Variants in ASB4 observed in about 807,000 individuals in gnomAD.
ASB4 encodes the protein ankyrin repeat and SOCS box protein 4.
A neutral mutation model predicts 38.6 loss-of-function variants in ASB4; 35 were observed. The observed-to-expected ratio is 0.91, with a 90% CI of 0.69 to 1.20. The LOEUF (loss-of-function observed/expected upper bound fraction) is 1.20, where lower values mean the gene tolerates loss of function less well. Ranked by LOEUF, ASB4 falls within the 50% of genes most tolerant of loss-of-function variation. The pLI is 0.00. For synonymous variants in ASB4, 195 were observed against 201.3 expected (o/e 0.97, Z 0.26); for missense variants, 557 against 527.2 (o/e 1.06, Z -0.55).
chr7:95,490,798 T>C (rs1438622016), intron 1 of ASB4, among the ~76,000 whole-genome samples: 2 of 152,264 alleles, frequency 1.3e-5, no homozygotes, highest in African/African-American at 4.8e-5. Context: ...GTTTCAGATT[T>C]AAATTAAACA....
intron 2 of ASB4, among the ~76,000 whole-genome samples, chr7:95,515,172 TCTTTC>T (rs1442069815): frequency 3.7e-4 from 17 of 46,164 alleles, no homozygotes; most frequent in African/African-American, 1.5e-3. Flanking sequence ...TCTTTCTCTT[TCTTTC>T]TTTCTTTCTT....
At chr7:95,483,568 A>T (rs1790041623), upstream of ASB4, among the ~76,000 whole-genome samples, 1 of 152,248 alleles carries the variant, frequency 6.6e-6, no homozygotes, top group Non-Finnish European at 1.5e-5. Context: ...GGGGGATCAG[A>T]TCAAATGATT....
At chr7:95,478,976 A>G (rs1443841845) in intron 1 of ASB4, among the ~76,000 whole-genome samples, 1 of 152,198 alleles carries the variant, frequency 6.6e-6, no homozygotes, top group Non-Finnish European at 1.5e-5. Context: ...GGACAAGGGC[A>G]GCCCATAACA....
chr7:95,523,325 A>G (rs1223407369), intron 2 of ASB4, among the ~76,000 whole-genome samples: 1 of 152,230 alleles, frequency 6.6e-6, no homozygotes, highest in Non-Finnish European at 1.5e-5. Context: ...TATAGCAATT[A>G]TGATAGCATA....
chr7:95,518,681 A>G (rs955444246), intron 2 of ASB4, among the ~76,000 whole-genome samples: 2 of 152,232 alleles, frequency 1.3e-5, no homozygotes, highest in African/African-American at 4.8e-5. Context: ...CACTAACTCA[A>G]ACTGAGTCCA....
intron 2 of ASB4, among the ~76,000 whole-genome samples, chr7:95,505,911 A>G (rs1790401741): frequency 1.3e-5 from 2 of 152,036 alleles, no homozygotes; most frequent in South Asian, 2.1e-4. Flanking sequence ...ATTCATTTTT[A>G]GAGACAGGGT....
At chr7:95,492,941 T>A (rs949525026) in intron 1 of ASB4, among the ~76,000 whole-genome samples, 1 of 152,206 alleles carries the variant, frequency 6.6e-6, no homozygotes, top group Non-Finnish European at 1.5e-5. Context: ...GAACAGAGAT[T>A]CAATGTACAT....
chr7:95,472,811 T>C, the ASB4 span, among the ~76,000 whole-genome samples: 2 of 152,172 alleles, frequency 1.3e-5, no homozygotes, highest in Non-Finnish European at 2.9e-5. Flanking sequence ...GGTCTATGTA[T>C]AACATTTCAG....
At chr7:95,486,848 C>T (rs1468580628) in intron 1 of ASB4, among the ~76,000 whole-genome samples, 1 of 151,776 alleles carries the variant, frequency 6.6e-6, no homozygotes, top group Non-Finnish European at 1.5e-5. Flanking sequence ...TTTTTTTTTA[C>T]CAAGGAATTT....
upstream of ASB4, among the ~76,000 whole-genome samples, chr7:95,482,633 T>C (rs1790030350): frequency 6.6e-6 from 1 of 152,230 alleles, no homozygotes; most frequent in East Asian, 1.9e-4. Flanking sequence ...ATAGGGTTTC[T>C]TTCACAAGGC....
At position 95,515,231 on chromosome 7, in the gene ASB4, T is replaced by TTC. The variant is rs1554349244; in HGVS notation, c.488-12581_488-12580insCT. Among the ~76,000 whole-genome samples the TTC allele has an allele frequency of 7.5e-3, 750 of 99,984 alleles. 6 individuals carry two copies. The highest frequency in any genetic ancestry group is 0.01 in the Middle Eastern group (2 of 198). 65.6% of individuals were successfully genotyped at this position (99,984 alleles called of 152,430 possible). On this transcript the variant is annotated intron_variant, in intron 2 of 4. Coordinates refer to ENST00000325885, the MANE Select transcript of ASB4 (RefSeq NM_016116.3). ...TTTCTTTCTTTCTTTCTTTCTTTCTTTTTCTTTCTTTCTTTCTTTCCTTCT... is the reference window on the plus strand; with the variant it reads ...TTTCTTTCTTTCTTTCTTTCTTTCTTTCTTTCTTTCTTTCTTTCTTTCCTTCT...
At chr7:95,493,738 C>G (rs1790207318) in intron 1 of ASB4, among the ~76,000 whole-genome samples, 3 of 152,076 alleles carry the variant, frequency 2.0e-5, no homozygotes, top group African/African-American at 7.2e-5. Context: ...GTTTCGTGTT[C>G]TCAGTGTTTA....
chr7:95,495,058 G>A (rs1277696287), intron 1 of ASB4, among the ~76,000 whole-genome samples: 1 of 152,096 alleles, frequency 6.6e-6, no homozygotes, highest in African/African-American at 2.4e-5. Context: ...TATATTTTGT[G>A]TATGTATTTG....
chr7:95,520,870 A>C (rs1790652826), intron 2 of ASB4, among the ~76,000 whole-genome samples: 1 of 152,056 alleles, frequency 6.6e-6, no homozygotes. Context: ...GTTTGCTTTG[A>C]TATTTGGTGG....
chr7:95,492,887 A>G (rs1790191720), intron 1 of ASB4, among the ~76,000 whole-genome samples: 2 of 152,238 alleles, frequency 1.3e-5, no homozygotes, highest in South Asian at 4.1e-4. Flanking sequence ...TTCGTTCATC[A>G]TCAAAAGCAA....
At chr7:95,524,631 C>T (rs1042699598) in intron 2 of ASB4, among the ~76,000 whole-genome samples, 1 of 152,120 alleles carries the variant, frequency 6.6e-6, no homozygotes, top group Admixed American at 6.5e-5. Flanking sequence ...TACCTCAGCA[C>T]GTGAATTTAT....
chr7:95,485,479 T>C (rs1475389581), upstream of ASB4, among the ~76,000 whole-genome samples: 1 of 152,184 alleles, frequency 6.6e-6, no homozygotes, highest in African/African-American at 2.4e-5. Context: ...AATGGTTGAT[T>C]TTACAAGCTC....
rs17717920 is a variant in ASB4 at position 95,507,669 on chromosome 7, G to C, written c.487+11612G>C. 4.1e-3 allele frequency among the ~76,000 whole-genome samples: 624 copies of C among 152,258 alleles called. 19 individuals carry two copies. The East Asian group carries it at 0.088, about 22-fold the overall frequency. On this transcript the variant is annotated intron_variant, in intron 2 of 4. Coordinates refer to ENST00000325885, the MANE Select transcript of ASB4 (RefSeq NM_016116.3). ...GGGTGTTGATTGTTAAAAATTTATT[G>C]AATGTTCAATTGACAACAAGTTCTA...
chr7:95,537,552 G>A lies in ASB4; in HGVS notation c.1093-19G>A. The A allele has an allele frequency of 6.3e-7, 1 of 1,580,522 alleles. No individual in the cohort carries two copies. The highest frequency in any genetic ancestry group is 1.2e-5 in the South Asian group (1 of 85,892). On this transcript the variant is annotated intron_variant, in intron 4 of 4. Transcript: ENST00000325885. ...TGTGGGGCCTTGCTAACTTTAATTT[G>A]TCTTGCCTTCCTTTTCAGAAATACT...
Sources: gnomAD v4.1 joint callset for allele counts (sites outside exome capture counted in the v4.1 genomes callset) on GRCh38, gnomAD v4.1.1 for gene constraint, MANE v1.5 for transcripts, NCBI Gene and HGNC (gene_info 2026-07-23, HGNC 2026-07-21) for gene names.